NALF2: variants seen among roughly 807,000 people sequenced by gnomAD.
NALF2 encodes bB57D9.1 (TED protein).
In NALF2, 1 loss-of-function variant was observed where a neutral mutation model predicts 24.8. That is an observed-to-expected ratio of 0.04 (90% confidence interval 0.01 to 0.19). The LOEUF (loss-of-function observed/expected upper bound fraction) is 0.19, where lower values mean the gene tolerates loss of function less well. Ranked by LOEUF, NALF2 falls within the 10% of genes least tolerant of loss-of-function variation. NALF2 has a pLI of 1.00. For synonymous variants in NALF2, 254 were observed against 189.8 expected (o/e 1.34, Z -2.78); for missense variants, 458 against 409.6 (o/e 1.12, Z -1.02).
rs750820471 is a variant in NALF2, at chrX:69,525,379, T to G, written c.862-3614T>G. 1.3e-4 allele frequency among the ~76,000 whole-genome samples: 15 copies of G among 111,616 alleles called. No homozygotes were observed. In the East Asian group the frequency reaches 4.3e-3, roughly 32 times the overall value. ...AGGCTACAGACATTGAGGCAGAGCC[T>G]ATGGACAGAGACTCATCTTGGCACT... On this transcript the variant is annotated intron_variant, in intron 1 of 2. Coordinates refer to ENST00000252338, the MANE Select transcript of NALF2 (RefSeq NM_015686.3).
chrX:69,525,796 C>G (rs1056644648), intron 1 of NALF2, among the ~76,000 whole-genome samples: 2 of 107,953 alleles, frequency 1.9e-5, no homozygotes, highest in Non-Finnish European at 3.8e-5. Context: ...TTTCCTACCC[C>G]CACTATTCCT....
intron 1 of NALF2, among the ~76,000 whole-genome samples, chrX:69,522,981 G>A (rs965139631): frequency 2.7e-4 from 30 of 112,535 alleles, no homozygotes; most frequent in African/African-American, 9.7e-4. Context: ...TGGGAGCGGA[G>A]TGTACCGTGG....
chrX:69,529,964 G>A lies in NALF2; in HGVS notation c.*8G>A. 8.5e-7 allele frequency: 1 copy of A among 1,172,636 alleles called. No homozygotes were observed. The highest frequency in any genetic ancestry group is 1.9e-5 in the South Asian group (1 of 52,470). On this transcript the variant is annotated 3_prime_UTR_variant, in exon 3 of 3. Transcript: ENST00000252338. ...CTGACACGGGAAGAGTGACAGTAGG[G>A]AGGGAGGACAGACCTCCACCACACT...
In NALF2 at chrX:69,506,007, C is replaced by A; in HGVS notation, c.725C>A (p.Ala242Glu). ...VASPGSGAWE[A>E]CSNCIEAYQR... ...AGCCCGGGCTCCGGGGCCTGGGAGG[C>A]GTGTAGCAACTGTATCGAGGCGTAC... Residue 242 changes from alanine to glutamate, a missense_variant, in exon 1 of 3, where the codon GCG becomes GAG. By Grantham distance (107) the Ala-to-Glu change is moderately radical. Transcript: ENST00000252338. 1 of 1,211,331 alleles carries A rather than the reference C, an allele frequency of 8.3e-7. No individual in the cohort carries two copies. Among genetic ancestry groups the A allele is most frequent in the Non-Finnish European group, 1.1e-6 (1 of 895,248 alleles).
At chrX:69,514,197 T>TA (rs61570141) in intron 1 of NALF2, among the ~76,000 whole-genome samples, 9 of 99,151 alleles carry the variant, frequency 9.1e-5, no homozygotes, top group South Asian at 4.9e-4. Flanking sequence ...CTCAAAAAAT[T>TA]AAAAAAAAAA....
At chrX:69,513,157 G>C (rs1214803186) in intron 1 of NALF2, among the ~76,000 whole-genome samples, 3 of 111,950 alleles carry the variant, frequency 2.7e-5, no homozygotes, top group Non-Finnish European at 5.6e-5. Flanking sequence ...AGCAGAGCAC[G>C]AGGGGAGAAG....
rs1930429042 is a variant in NALF2 at position 69,504,856 on chromosome X, C to A, written c.-427C>A. On this transcript the variant is annotated 5_prime_UTR_variant, in exon 1 of 3. Transcript: ENST00000252338. ...GGCGGCGCTGAGGGGCGCAGAGCTG[C>A]GCCGAACCGAGACGGCCGGTTTGGA... Among the ~76,000 whole-genome samples the A allele has an allele frequency of 9.3e-6, 1 of 107,886 alleles. No individual in the cohort carries two copies. The highest frequency in any genetic ancestry group is 3.3e-5 in the African/African-American group (1 of 30,377). 93.7% of individuals were successfully genotyped at this position (107,886 alleles called of 115,157 possible).
At position 69,505,345 on chromosome X, in the gene NALF2, C is replaced by T; in HGVS notation, c.63C>T (p.Cys21=). Residue 21 remains cysteine, a synonymous_variant, in exon 1 of 3, where the codon TGC becomes TGT. Coordinates refer to ENST00000252338, the MANE Select transcript of NALF2 (RefSeq NM_015686.3). ...KDAAALTICC[C]CCCWAPRPSD... ...CCGCCGCGCTGACTATCTGCTGCTG[C>T]TGCTGCTGCTGGGCTCCCAGGCCGA... 1 of 1,156,985 alleles carries T rather than the reference C, an allele frequency of 8.6e-7. No homozygotes were observed. The highest frequency in any genetic ancestry group is 1.2e-6 in the Non-Finnish European group (1 of 868,347).
chrX:69,511,780 G>A (rs919204046), intron 1 of NALF2, among the ~76,000 whole-genome samples: 1 of 111,864 alleles, frequency 8.9e-6, no homozygotes, highest in African/African-American at 3.3e-5. Context: ...GTGGAACCAA[G>A]ATCAAAGGAG....
Position 69,505,334 on chromosome X carries a change from A to G in NALF2, c.52A>G (p.Ile18Val), listed in dbSNP as rs946884243. 2.0e-5 allele frequency: 23 copies of G among 1,154,181 alleles called. No homozygotes were observed. The highest frequency in any genetic ancestry group is 1.5e-4 in the African/African-American group (8 of 54,770). The change falls in exon 1 of 3, where the codon ATC becomes GTC. Residue 18 changes from isoleucine (I) to valine (V), a missense_variant. Coordinates refer to ENST00000252338, the MANE Select transcript of NALF2 (RefSeq NM_015686.3). Reference sequence around the variant, plus strand: ...CGGGAAAGACGCCGCCGCGCTGACTATCTGCTGCTGCTGCTGCTGCTGGGC... The same window carrying G: ...CGGGAAAGACGCCGCCGCGCTGACTGTCTGCTGCTGCTGCTGCTGCTGGGC... ...WPGKDAAALT[I>V]CCCCCCWAPR...
Position 69,505,407 on chromosome X carries a change from G to T in NALF2, c.125G>T (p.Arg42Leu). The T allele has an allele frequency of 8.6e-7, 1 of 1,157,642 alleles. No homozygotes were observed. Among genetic ancestry groups the T allele is most frequent in the Non-Finnish European group, 1.2e-6 (1 of 869,401 alleles). Reference sequence around the variant, plus strand: ...TGCGCCGACTCCGAGCGGGCGCAGCGATGGCGACTGTCCCTGGCGTCCCTG... The same window carrying T: ...TGCGCCGACTCCGAGCGGGCGCAGCTATGGCGACTGTCCCTGGCGTCCCTG... Reference protein sequence around the residue: ...KPCADSERAQRWRLSLASLLF... With the variant: ...KPCADSERAQLWRLSLASLLF... The change falls in exon 1 of 3, where the codon CGA (arginine) becomes CTA (leucine). Residue 42 changes from arginine (R) to leucine (L), a missense_variant. Arg to Leu is a moderately radical substitution (Grantham distance 102). Coordinates refer to ENST00000252338, the MANE Select transcript of NALF2 (RefSeq NM_015686.3).
Position 69,529,586 on chromosome X carries a change from C to T in NALF2, c.1049C>T (p.Ser350Leu). ...CCATTGGCAGGGTTGCTGGATACTT[C>T]ACCAAAGCGTCTGGAAACCAAGTGC... ...GFICTGLLDTSPKRLETKCCD... is the reference protein window; with the variant it reads ...GFICTGLLDTLPKRLETKCCD... The change falls in exon 3 of 3, where the codon TCA (serine) becomes TTA (leucine). Residue 350 changes from serine to leucine, a missense_variant. Physicochemically the swap from Ser to Leu is moderately radical, Grantham distance 145. Coordinates refer to ENST00000252338, the MANE Select transcript of NALF2 (RefSeq NM_015686.3). 1 of 1,208,712 alleles carries T rather than the reference C, an allele frequency of 8.3e-7. No homozygotes were observed. Among genetic ancestry groups the T allele is most frequent in the East Asian group, 3.0e-5 (1 of 33,793 alleles).
chrX:69,527,628 T>C (rs752868542), intron 1 of NALF2, among the ~76,000 whole-genome samples: 31 of 111,923 alleles, frequency 2.8e-4, no homozygotes, highest in African/African-American at 1.0e-3. Flanking sequence ...TAACAAATGC[T>C]TCAGGGGGTT....
In NALF2 at chrX:69,527,343, C is replaced by A. The variant is rs888413619; in HGVS notation, c.862-1650C>A. On this transcript the variant is annotated intron_variant, in intron 1 of 2. Coordinates refer to ENST00000252338, the MANE Select transcript of NALF2 (RefSeq NM_015686.3). ...CTCTTTGGGGGACTGGTTAGCAACACAACCTACCCCATCACCCACTAGTAC... is the reference window on the plus strand; with the variant it reads ...CTCTTTGGGGGACTGGTTAGCAACAAAACCTACCCCATCACCCACTAGTAC... 7.1e-5 allele frequency among the ~76,000 whole-genome samples: 8 copies of A among 112,441 alleles called. No homozygotes were observed. The Admixed American group carries it at 7.5e-4, about 11-fold the overall frequency.
chrX:69,529,525 A>G (rs768092312), intron 2 of NALF2, 46 bp from the exon 3 acceptor site: 1 of 1,169,369 alleles, frequency 8.6e-7, no homozygotes, highest in Admixed American at 2.4e-5. Flanking sequence ...AGGCATAGCT[A>G]TCAGCTCCCC....
At position 69,506,807 on chromosome X, in the gene NALF2, G is replaced by A. The variant is rs367933782; in HGVS notation, c.861+664G>A. Among the ~76,000 whole-genome samples the A allele has an allele frequency of 7.1e-5, 8 of 112,690 alleles. No homozygotes were observed. In the East Asian group the frequency reaches 1.4e-3, roughly 20 times the overall value. ...ACAGGGAACAGCGACTGGTGGGAAG[G>A]CCACTGAAGGTTAGTGCATTCTCAT... On this transcript the variant is annotated intron_variant, in intron 1 of 2. Transcript: ENST00000252338.
At chrX:69,521,210 C>G (rs1414116035) in intron 1 of NALF2, among the ~76,000 whole-genome samples, 3 of 111,872 alleles carry the variant, frequency 2.7e-5, no homozygotes, top group Non-Finnish European at 5.6e-5. Context: ...AAACTCAGCA[C>G]TATTTCACAC....
At chrX:69,516,222 G>A (rs988311493) in intron 1 of NALF2, among the ~76,000 whole-genome samples, 1 of 112,042 alleles carries the variant, frequency 8.9e-6, no homozygotes, top group Non-Finnish European at 1.9e-5. Context: ...GCATGACTGA[G>A]TTTAAAGATG....
intron 2 of NALF2, 127 bp downstream of exon 2, chrX:69,529,291 TG>T: frequency 1.2e-6 from 1 of 828,647 alleles, no homozygotes; most frequent in Non-Finnish European, 1.7e-6. Flanking sequence ...GCTGGACGAA[TG>T]GGCAGTGACG....
Sources: gnomAD v4.1 joint callset for allele counts (sites outside exome capture counted in the v4.1 genomes callset) on GRCh38, gnomAD v4.1.1 for gene constraint, MANE v1.5 for transcripts, NCBI Gene and HGNC (gene_info 2026-07-23, HGNC 2026-07-21) for gene names.